EFCC1: variants seen among roughly 807,000 people sequenced by gnomAD.
EFCC1 encodes the protein EF-hand and coiled-coil domain-containing protein 1.
EFCC1 carries 50 observed loss-of-function variants against 52.1 expected under a neutral mutation model. The observed-to-expected ratio is 0.96, with a 90% confidence interval of 0.76 to 1.21. EFCC1 has a LOEUF of 1.21. Ranked by LOEUF, EFCC1 falls within the 50% of genes most tolerant of loss-of-function variation. The probability of loss-of-function intolerance (pLI) is 0.00; values close to 1 mark genes in which losing one functional copy is unlikely to be tolerated. For synonymous variants in EFCC1, 399 were observed against 396.5 expected (o/e 1.01, Z -0.08); for missense variants, 837 against 867.3 (o/e 0.97, Z 0.44).
intron 1 of EFCC1, chr3:129,002,553 A>G (rs1944842425): frequency 1.2e-6 from 1 of 820,432 alleles, no homozygotes; most frequent in Non-Finnish European, 1.7e-6. Context: ...GAAAACCCCA[A>G]TCACACTCAA....
intron 1 of EFCC1, chr3:129,003,210 C>T: frequency 1.0e-6 from 1 of 985,326 alleles, no homozygotes; most frequent in Non-Finnish European, 1.2e-6. Flanking sequence ...GGAAACTACT[C>T]CTCTGATGTG....
Position 129,003,948 on chromosome 3 carries a change from G to C in EFCC1, c.851G>C (p.Arg284Pro). ...CGTGGCCAGGCCGAGGTGCGGCGGC[G>C]CGCGGAGGAGGCCCGGCAGGTGGTG... ...LRRGQAEVRR[R>P]AEEARQVVLR... Residue 284 changes from arginine to proline, a missense_variant, in exon 2 of 8, where the codon CGC (arginine) becomes CCC (proline). By Grantham distance (103) the Arg-to-Pro change is moderately radical. Coordinates refer to ENST00000683648, the MANE Select transcript of EFCC1 (RefSeq NM_001377500.1). 7.1e-7 allele frequency: 1 copy of C among 1,414,140 alleles called. No homozygotes were observed. Among genetic ancestry groups the C allele is most frequent in the Non-Finnish European group, 9.2e-7 (1 of 1,088,506 alleles). The allele number at this position is 1,414,140 out of a possible 1,614,324, so 87.6% of individuals were successfully genotyped here.
At chr3:129,032,704 G>C in intron 3 of EFCC1, 115 bp from the exon 4 acceptor site, 1 of 1,417,142 alleles carries the variant, frequency 7.1e-7, no homozygotes, top group South Asian at 1.5e-5. Flanking sequence ...GCTGTCTCAA[G>C]AGGGGACATG....
chr3:129,037,186 G>GA, intron 6 of EFCC1, 69 bp downstream of exon 6: 1 of 1,503,078 alleles, frequency 6.7e-7, no homozygotes, highest in Non-Finnish European at 8.8e-7. Context: ...CCCCACTTGT[G>GA]TCAGGCACCA....
At chr3:129,027,460 G>C (rs911267573) in intron 2 of EFCC1, among the ~76,000 whole-genome samples, 10 of 152,300 alleles carry the variant, frequency 6.6e-5, no homozygotes, top group Admixed American at 2.0e-4. Flanking sequence ...GACTCTCCGC[G>C]GGGGCTCACC....
chr3:129,024,540 G>GA lies in EFCC1; in HGVS notation c.981-6152dup, dbSNP rs112647641. 8.2e-4 allele frequency among the ~76,000 whole-genome samples: 112 copies of GA among 136,344 alleles called. 1 individual carries two copies. Among genetic ancestry groups the GA allele is most frequent in the East Asian group, 4.0e-3 (19 of 4,736 alleles). The allele number at this position is 136,344 out of a possible 152,430, so 89.4% of individuals were successfully genotyped here. A position where few individuals can be genotyped will look rare whatever the true frequency, so the allele number is the denominator to read the frequency against. ...AGCAAGACTCCGTCGCAAAAAAAAA[G>GA]AAAAAAAAAAAGAAAAAGAAAAACA... On this transcript the variant is annotated intron_variant, in intron 2 of 7. Coordinates refer to ENST00000683648, the MANE Select transcript of EFCC1 (RefSeq NM_001377500.1).
chr3:129,029,159 T>C (rs532206126), intron 2 of EFCC1, among the ~76,000 whole-genome samples: 1 of 152,270 alleles, frequency 6.6e-6, no homozygotes, highest in South Asian at 2.1e-4. Flanking sequence ...TTGCTTCATA[T>C]TGGGTTCTAT....
intron 2 of EFCC1, among the ~76,000 whole-genome samples, chr3:129,021,604 G>A (rs1238520107): frequency 6.6e-6 from 1 of 150,852 alleles, no homozygotes; most frequent in African/African-American, 2.5e-5. Flanking sequence ...AAAAAACACT[G>A]GCAGTCCTTA....
rs1324708971 is a variant in EFCC1, at chr3:129,001,931, T to C, written c.303T>C (p.Gly101=). 1.3e-6 allele frequency: 2 copies of C among 1,540,470 alleles called. No homozygotes were observed. Among genetic ancestry groups the C allele is most frequent in the Non-Finnish European group, 1.8e-6 (2 of 1,142,046 alleles). The part of the protein sequence containing the change: ...EGATTAGQAA[G]DGNSRDVTPG... ...CCACCACGGCCGGGCAGGCAGCAGG[T>C]GACGGGAACTCCAGAGATGTGACCC... Residue 101 remains glycine (G), a synonymous_variant, in exon 1 of 8, where the codon GGT becomes GGC. Coordinates refer to ENST00000683648, the MANE Select transcript of EFCC1 (RefSeq NM_001377500.1).
At chr3:129,023,440 T>G (rs1002944722) in intron 2 of EFCC1, among the ~76,000 whole-genome samples, 11 of 152,178 alleles carry the variant, frequency 7.2e-5, no homozygotes, top group African/African-American at 2.6e-4. Context: ...GGCATTCTCC[T>G]GCCTCAGCCT....
intron 3 of EFCC1, among the ~76,000 whole-genome samples, chr3:129,032,293 A>G (rs1270104607): frequency 6.6e-6 from 1 of 152,182 alleles, no homozygotes. Context: ...GGTATGGCCT[A>G]AAATGGAAAT....
chr3:129,024,445 C>T (rs1206907728), intron 2 of EFCC1, among the ~76,000 whole-genome samples: 2 of 151,656 alleles, frequency 1.3e-5, no homozygotes, highest in Non-Finnish European at 2.9e-5. Context: ...GCAGGAGAAT[C>T]ACTTGAACCT....
In EFCC1 at chr3:129,034,020, A is replaced by G. The variant is rs974367901; in HGVS notation, c.1287-144A>G. ...TTTTCCTCAGAGTGAGATGGGGGCCATGGGAGGGTACTGGGCAGGCAGGTG... is the reference window on the plus strand; with the variant it reads ...TTTTCCTCAGAGTGAGATGGGGGCCGTGGGAGGGTACTGGGCAGGCAGGTG... On this transcript the variant is annotated intron_variant, in intron 4 of 7. Coordinates refer to ENST00000683648, the MANE Select transcript of EFCC1 (RefSeq NM_001377500.1). The G allele has an allele frequency of 3.2e-6, 3 of 925,830 alleles. No individual in the cohort carries two copies. In the African/African-American group the frequency reaches 5.0e-5, roughly 15 times the overall value. The allele number at this position is 925,830 out of a possible 1,614,324, so 57.4% of individuals were successfully genotyped here.
At chr3:129,013,537 A>G (rs527289751) in intron 2 of EFCC1, among the ~76,000 whole-genome samples, 2 of 152,312 alleles carry the variant, frequency 1.3e-5, no homozygotes, top group East Asian at 3.9e-4. Context: ...AGGTAGCAAG[A>G]CAGCTACCAT....
chr3:129,033,286 G>A (rs1006571981), intron 4 of EFCC1, among the ~76,000 whole-genome samples: 4 of 151,976 alleles, frequency 2.6e-5, no homozygotes, highest in African/African-American at 9.7e-5. Flanking sequence ...ATCACCCCTC[G>A]CCACACACCA....
At chr3:129,038,198 A>G (rs568681030) in intron 6 of EFCC1, among the ~76,000 whole-genome samples, 1 of 152,364 alleles carries the variant, frequency 6.6e-6, no homozygotes, top group African/African-American at 2.4e-5. Flanking sequence ...AAAGAAAGCA[A>G]GACCCAGGTC....
chr3:129,029,963 T>C (rs1196331825), intron 2 of EFCC1, among the ~76,000 whole-genome samples: 1 of 150,910 alleles, frequency 6.6e-6, no homozygotes, highest in Non-Finnish European at 1.5e-5. Context: ...GGCAGGCAGA[T>C]TGCCTGAGCT....
At chr3:129,026,880 T>G (rs1946129878) in intron 2 of EFCC1, among the ~76,000 whole-genome samples, 1 of 152,170 alleles carries the variant, frequency 6.6e-6, no homozygotes. Context: ...CGGCTTGCAC[T>G]GGGGGACCCT....
rs986963883 is a variant in EFCC1 at position 129,003,908 on chromosome 3, G to C, written c.811G>C (p.Ala271Pro). Reference protein sequence around the residue: ...QGALAAAEARAGRLRRGQAEV... With the variant: ...QGALAAAEARPGRLRRGQAEV... The stretch of plus-strand genomic sequence containing the variant: ...CGCCCTGGCTGCGGCGGAGGCCCGC[G>C]CTGGGCGGCTGCGCCGTGGCCAGGC... Residue 271 changes from alanine to proline, a missense_variant, in exon 2 of 8, where the codon GCT (alanine) becomes CCT (proline). Physicochemically the swap from Ala to Pro is conservative, Grantham distance 27. Transcript: ENST00000683648. The C allele has an allele frequency of 5.3e-5, 71 of 1,351,148 alleles. No homozygotes were observed. Among genetic ancestry groups the C allele is most frequent in the Non-Finnish European group, 6.1e-5 (64 of 1,056,180 alleles). 83.7% of individuals were successfully genotyped at this position (1,351,148 alleles called of 1,614,324 possible).
Sources: allele counts gnomAD v4.1 joint callset (sites outside exome capture counted in the v4.1 genomes callset), GRCh38; gene constraint gnomAD v4.1.1; transcripts MANE v1.5; gene names NCBI Gene and HGNC (gene_info 2026-07-23, HGNC 2026-07-21).